The following SAMD3 variants were observed in gnomAD, a reference collection of about 807,000 sequenced individuals.
SAMD3 encodes the protein sterile alpha motif domain containing 3, also known as sterile alpha motif domain-containing protein 3.
SAMD3 carries 63 observed loss-of-function variants against 58.5 expected under a neutral mutation model. That is an observed-to-expected ratio of 1.08 (90% confidence interval 0.88 to 1.33). SAMD3 has a LOEUF of 1.33. Ranked by LOEUF, SAMD3 falls within the 40% of genes most tolerant of loss-of-function variation. The pLI is 0.00. For synonymous variants in SAMD3, 220 were observed against 210.3 expected (o/e 1.05, Z -0.40); for missense variants, 604 against 608.4 (o/e 0.99, Z 0.08).
intron 1 of SAMD3, among the ~76,000 whole-genome samples, chr6:130,319,832 A>T (rs1776522704): frequency 6.6e-6 from 1 of 152,186 alleles, no homozygotes; most frequent in Non-Finnish European, 1.5e-5. Context: ...TGTAGAAGTA[A>T]AATGCATGAA....
chr6:130,347,799 A>G (rs565627148), intron 1 of SAMD3, among the ~76,000 whole-genome samples: 1 of 152,322 alleles, frequency 6.6e-6, no homozygotes, highest in South Asian at 2.1e-4. Flanking sequence ...GTTGAAATGA[A>G]GGAAAAAATG....
intron 2 of SAMD3, chr6:130,215,829 G>A: frequency 6.5e-7 from 1 of 1,534,930 alleles, no homozygotes; most frequent in Non-Finnish European, 8.7e-7. Context: ...GAAGGAGATT[G>A]TAACTTGCTG....
At chr6:130,294,909 ATTTTTTTTTTTTTTTTTTTTTTT>A (rs774036634) in intron 2 of SAMD3, among the ~76,000 whole-genome samples, 1 of 56,146 alleles carries the variant, frequency 1.8e-5, no homozygotes. Flanking sequence ...CATTTCTCTG[ATTTTTTTTTTTTTTTTTTTTTTT>A]TTTTTTTTTT....
intron 2 of SAMD3, among the ~76,000 whole-genome samples, chr6:130,252,726 CAACCA>C (rs1260566857): frequency 6.6e-6 from 1 of 151,998 alleles, no homozygotes; most frequent in African/African-American, 2.4e-5. Flanking sequence ...TCCTTTGTGG[CAACCA>C]AAACAGCTGT....
At chr6:130,305,953 T>C (rs961012897) in intron 2 of SAMD3, among the ~76,000 whole-genome samples, 1 of 152,208 alleles carries the variant, frequency 6.6e-6, no homozygotes, top group Non-Finnish European at 1.5e-5. Flanking sequence ...GCAGATTCAG[T>C]GTCCAGTGAG....
intron 5 of SAMD3, among the ~76,000 whole-genome samples, chr6:130,187,403 G>T (rs1793103187): frequency 6.6e-6 from 1 of 151,904 alleles, no homozygotes; most frequent in Non-Finnish European, 1.5e-5. Flanking sequence ...AGGATCCAAG[G>T]AGACAGATAC....
Position 130,155,029 on chromosome 6 carries a change from C to A in SAMD3, c.823-4G>T. 1 of 1,610,754 alleles carries A rather than the reference C, an allele frequency of 6.2e-7. No individual in the cohort carries two copies. The highest frequency in any genetic ancestry group is 8.5e-7 in the Non-Finnish European group (1 of 1,178,064). ...AATCAAAACAAACAGCTTCTTCCTG[C>A]AAAACATTTTCAACATATCAATGGA... On this transcript the variant is annotated splice_region_variant and splice_polypyrimidine_tract_variant and intron_variant, in intron 8 of 11. Coordinates refer to ENST00000439090, the MANE Select transcript of SAMD3 (RefSeq NM_001017373.4).
At chr6:130,208,587 G>A (rs890288262) in intron 5 of SAMD3, among the ~76,000 whole-genome samples, 1 of 152,156 alleles carries the variant, frequency 6.6e-6, no homozygotes, top group African/African-American at 2.4e-5. Context: ...TGCATGTGAA[G>A]GATCTAGGTT....
chr6:130,348,720 A>G (rs1267590369), intron 1 of SAMD3, among the ~76,000 whole-genome samples: 1 of 152,226 alleles, frequency 6.6e-6, no homozygotes, highest in African/African-American at 2.4e-5. Context: ...GCTCTGCAGC[A>G]AGCGGACCTA....
intron 4 of SAMD3, among the ~76,000 whole-genome samples, chr6:130,212,272 G>A (rs1180003345): frequency 2.0e-5 from 3 of 151,966 alleles, no homozygotes; most frequent in Admixed American, 2.0e-4. Flanking sequence ...CAAATATAAA[G>A]CAATAAGTAT....
chr6:130,285,636 T>C (rs973853264), intron 2 of SAMD3, among the ~76,000 whole-genome samples: 1 of 152,238 alleles, frequency 6.6e-6, no homozygotes, highest in African/African-American at 2.4e-5. Context: ...TCACTATATC[T>C]ATAATTCTGT....
At chr6:130,287,852 G>A (rs1433892542) in intron 2 of SAMD3, among the ~76,000 whole-genome samples, 1 of 151,948 alleles carries the variant, frequency 6.6e-6, no homozygotes, top group Non-Finnish European at 1.5e-5. Context: ...GGTTGAGGCA[G>A]GAGAATCGCT....
intron 2 of SAMD3, among the ~76,000 whole-genome samples, chr6:130,230,692 C>T (rs978226875): frequency 2.0e-5 from 3 of 152,100 alleles, no homozygotes; most frequent in Admixed American, 6.6e-5. Context: ...CCGGCCTCTT[C>T]GCCTCTTCTA....
intron 8 of SAMD3, among the ~76,000 whole-genome samples, chr6:130,158,753 C>T (rs936773552): frequency 1.3e-5 from 2 of 152,136 alleles, no homozygotes; most frequent in Non-Finnish European, 2.9e-5. Context: ...AGAGTGGGAG[C>T]GGGCTCAAGC....
intron 8 of SAMD3, chr6:130,159,808 G>A (rs563481112): frequency 1.3e-5 from 2 of 152,084 alleles, no homozygotes; most frequent in Admixed American, 6.6e-5. Context: ...TGAAAAAAAG[G>A]CAGCCTCATA....
At chr6:130,238,305 A>T (rs1204836571) in intron 2 of SAMD3, among the ~76,000 whole-genome samples, 1 of 152,206 alleles carries the variant, frequency 6.6e-6, no homozygotes, top group Non-Finnish European at 1.5e-5. Context: ...AAACGAAAAA[A>T]TATTGTGGGA....
chr6:130,199,674 T>G (rs1204313762), intron 5 of SAMD3, among the ~76,000 whole-genome samples: 2 of 152,166 alleles, frequency 1.3e-5, no homozygotes, highest in African/African-American at 4.8e-5. Context: ...AAGAGCTCAA[T>G]AGAGACACGT....
chr6:130,261,543 C>A (rs543364124), intron 2 of SAMD3, among the ~76,000 whole-genome samples: 1 of 152,244 alleles, frequency 6.6e-6, no homozygotes, highest in Non-Finnish European at 1.5e-5. Flanking sequence ...GTGTAAACTG[C>A]AAAAGTGTGT....
intron 2 of SAMD3, among the ~76,000 whole-genome samples, chr6:130,231,366 C>T (rs948554328): frequency 2.0e-5 from 3 of 152,048 alleles, no homozygotes; most frequent in African/African-American, 7.2e-5. Context: ...GAGTTCATGA[C>T]TAGCCTGGCC....
Sources: allele counts gnomAD v4.1 joint callset (sites outside exome capture counted in the v4.1 genomes callset), GRCh38; gene constraint gnomAD v4.1.1; transcripts MANE v1.5; gene names NCBI Gene and HGNC (gene_info 2026-07-23, HGNC 2026-07-21).